Variants in SMARCAD1 observed in about 807,000 individuals in gnomAD.
SMARCAD1 encodes the protein SWI/SNF-related matrix-associated actin-dependent regulator of chromatin subfamily A containing DEAD/H box 1.
In SMARCAD1, 25 loss-of-function variants were observed where a neutral mutation model predicts 127.1. That is an observed-to-expected ratio of 0.20 (90% CI 0.14 to 0.27). SMARCAD1 has a LOEUF of 0.27. Ranked by LOEUF, SMARCAD1 falls within the 10% of genes least tolerant of loss-of-function variation. The probability of loss-of-function intolerance (pLI) is 1.00; values close to 1 mark genes in which losing one functional copy is unlikely to be tolerated. For missense variants in SMARCAD1, 807 were observed against 1,206.0 expected (o/e 0.67, Z 4.90); for synonymous variants, 400 against 396.9 (o/e 1.01, Z -0.09).
In SMARCAD1 at chr4:94,250,822, C is replaced by A. The variant is rs1403168907; in HGVS notation, c.878C>A (p.Ala293Glu). Residue 293 changes from alanine (A) to glutamate (E), a missense_variant, in exon 8 of 24, where the codon GCA (alanine) becomes GAA (glutamate). Physicochemically the swap from Ala to Glu is moderately radical, Grantham distance 107. Around this residue, in one of 8 missense-constraint regions of SMARCAD1, gnomAD observed 257 missense variants for 303.4 expected, o/e 0.85. Coordinates refer to ENST00000354268, the MANE Select transcript of SMARCAD1 (RefSeq NM_020159.5). ...TEALESLKVF[A>E]EDQDMQYVSQ... ...GCTTTAGAATCTCTAAAAGTGTTTGCAGAAGACCAAGGTAATTATTCTGGG... is the reference window on the plus strand; with the variant it reads ...GCTTTAGAATCTCTAAAAGTGTTTGAAGAAGACCAAGGTAATTATTCTGGG... 1 of 1,610,890 alleles carries A rather than the reference C, an allele frequency of 6.2e-7. No homozygotes were observed. The highest frequency in any genetic ancestry group is 8.5e-7 in the Non-Finnish European group (1 of 1,177,608).
intron 5 of SMARCAD1, among the ~76,000 whole-genome samples, 168 bp from the exon 6 acceptor site, chr4:94,240,738 T>C (rs1747447722): frequency 1.3e-5 from 2 of 152,202 alleles, no homozygotes; most frequent in African/African-American, 4.8e-5. Context: ...CTGCAAAGAA[T>C]GTTTACTTTT....
At position 94,264,784 on chromosome 4, in the gene SMARCAD1, T is replaced by C. The variant is rs1310805636; in HGVS notation, c.1359T>C (p.Asp453=). Residue 453 remains aspartate (D), a synonymous_variant, in exon 10 of 24, where the codon GAT becomes GAC. Coordinates refer to ENST00000354268, the MANE Select transcript of SMARCAD1 (RefSeq NM_020159.5). ...GTAAAACACTGATCCAAGAAAGAGA[T>C]GTAGTTATAAGGCTTATGAACAAAT... is the stretch of plus-strand genomic sequence containing the variant. ...WHCKTLIQER[D]VVIRLMNKCE... 2 of 1,612,694 alleles carry C rather than the reference T, an allele frequency of 1.2e-6. No individual in the cohort carries two copies. The highest frequency in any genetic ancestry group is 2.7e-5 in the African/African-American group (2 of 74,960).
rs148851766 is a variant in SMARCAD1, at chr4:94,274,789, G to C, written c.1724G>C (p.Cys575Ser). Residue 575 changes from cysteine (C) to serine (S), a missense_variant, in exon 13 of 24, where the codon TGT (cysteine) becomes TCT (serine). By Grantham distance (112) the Cys-to-Ser change is moderately radical (BLOSUM62 -1). Transcript: ENST00000354268. ...TGGTGCCCTACTTTGAAGGTCCTCT[G>C]TTACTATGGTAAGAATATGTCATTC... is the stretch of plus-strand genomic sequence containing the variant. ...NLWCPTLKVL[C>S]YYGSQEERKQ... The C allele has an allele frequency of 3.1e-6, 5 of 1,613,650 alleles. No individual in the cohort carries two copies. The African/African-American group carries it at 6.7e-5, about 22-fold the overall frequency.
rs750430189 is a variant in SMARCAD1 at position 94,241,021 on chromosome 4, G to A, written c.705+15G>A. The stretch of plus-strand genomic sequence containing the variant: ...GACTGGATCATGTAAGTTTACATTT[G>A]AATTACAGTATCAAAATTGGCTGCT... On this transcript the variant is annotated intron_variant, in intron 6 of 23. Coordinates refer to ENST00000354268, the MANE Select transcript of SMARCAD1 (RefSeq NM_020159.5). 1.0e-5 allele frequency: 16 copies of A among 1,573,110 alleles called. No individual in the cohort carries two copies. The Admixed American group carries it at 2.3e-4, about 23-fold the overall frequency.
intron 5 of SMARCAD1, among the ~76,000 whole-genome samples, chr4:94,240,598 A>T (rs1407040323): frequency 1.3e-5 from 2 of 152,206 alleles, no homozygotes; most frequent in Non-Finnish European, 2.9e-5. Flanking sequence ...ACACTCAGCC[A>T]CTTGGAAGAA....
At chr4:94,234,497 C>T (rs1046872345) in intron 4 of SMARCAD1, among the ~76,000 whole-genome samples, 1 of 152,056 alleles carries the variant, frequency 6.6e-6, no homozygotes, top group Admixed American at 6.5e-5. Context: ...CTGAAGCCAG[C>T]GATGCTAAAC....
chr4:94,229,942 C>T (rs903722365), intron 3 of SMARCAD1, among the ~76,000 whole-genome samples: 19 of 151,720 alleles, frequency 1.3e-4, no homozygotes, highest in African/African-American at 4.4e-4. Context: ...TTTTACTAAT[C>T]TGTTCAGTCA....
intron 4 of SMARCAD1, among the ~76,000 whole-genome samples, chr4:94,235,184 ACT>A (rs1046245761): frequency 7.2e-6 from 1 of 138,494 alleles, no homozygotes; most frequent in Non-Finnish European, 1.5e-5. Context: ...ATTAGCAGTC[ACT>A]CTCCAGTTTT....
At chr4:94,236,457 C>T (rs527259992) in intron 4 of SMARCAD1, among the ~76,000 whole-genome samples, 3 of 152,056 alleles carry the variant, frequency 2.0e-5, no homozygotes, top group South Asian at 2.1e-4. Flanking sequence ...CCATTTATCT[C>T]GAGCAGTATT....
intron 19 of SMARCAD1, 54 bp from the exon 20 acceptor site, chr4:94,280,538 C>T: frequency 6.8e-7 from 1 of 1,466,212 alleles, no homozygotes; most frequent in Non-Finnish European, 9.5e-7. Flanking sequence ...CTTTTCTCAT[C>T]ATATTATTAA....
chr4:94,262,336 T>A (rs1236063534), intron 9 of SMARCAD1, among the ~76,000 whole-genome samples: 1 of 151,542 alleles, frequency 6.6e-6, no homozygotes, highest in East Asian at 1.9e-4. Context: ...AGTCTGGGAG[T>A]CAGGCTTAAC....
At position 94,290,133 on chromosome 4, in the gene SMARCAD1, G is replaced by A. The variant is rs1560576449; in HGVS notation, c.*599G>A. On this transcript the variant is annotated 3_prime_UTR_variant, in exon 24 of 24. Coordinates refer to ENST00000354268, the MANE Select transcript of SMARCAD1 (RefSeq NM_020159.5). ...CCCCCAGGTCCTCTCAAGTACTTCT[G>A]CTGAAACAAATTTATTTGGCTAGGC... The A allele has an allele frequency of 2.2e-6, 1 of 454,484 alleles. No homozygotes were observed. The highest frequency in any genetic ancestry group is 4.4e-6 in the Non-Finnish European group (1 of 226,764). 28.2% of individuals were successfully genotyped at this position (454,484 alleles called of 1,614,324 possible).
In SMARCAD1 at chr4:94,250,946, G is replaced by A; in HGVS notation, c.889+113G>A. ...TAGCTGTTAATCAGAGGGTGGGATT[G>A]CAAAAGATGTTGAAAGTAATGATGT... On this transcript the variant is annotated intron_variant, in intron 8 of 23. Coordinates refer to ENST00000354268, the MANE Select transcript of SMARCAD1 (RefSeq NM_020159.5). 7 of 760,934 alleles carry A rather than the reference G, an allele frequency of 9.2e-6. No homozygotes were observed. In the South Asian group the frequency reaches 9.8e-5, roughly 11 times the overall value. 47.1% of individuals were successfully genotyped at this position (760,934 alleles called of 1,614,324 possible). A position where few individuals can be genotyped will look rare whatever the true frequency, so the allele number is the denominator to read the frequency against.
intron 2 of SMARCAD1, among the ~76,000 whole-genome samples, chr4:94,215,231 G>A (rs546672404): frequency 3.0e-4 from 46 of 152,172 alleles, no homozygotes; most frequent in Non-Finnish European, 3.8e-4. Flanking sequence ...TAATTGAAAA[G>A]CAATACTTAG....
intron 3 of SMARCAD1, among the ~76,000 whole-genome samples, chr4:94,227,016 A>T (rs1289127621): frequency 2.0e-5 from 3 of 152,026 alleles, no homozygotes; most frequent in Non-Finnish European, 4.4e-5. Context: ...AGGGTCAGGG[A>T]ATGGTTTCTA....
At chr4:94,282,512 T>G (rs1293915142) in intron 21 of SMARCAD1, among the ~76,000 whole-genome samples, 1 of 152,146 alleles carries the variant, frequency 6.6e-6, no homozygotes, top group Non-Finnish European at 1.5e-5. Context: ...ATCTTTCACA[T>G]TTTAAGGGTA....
chr4:94,258,757 TA>T (rs1750506407), intron 9 of SMARCAD1, among the ~76,000 whole-genome samples: 1 of 152,248 alleles, frequency 6.6e-6, no homozygotes, highest in Admixed American at 6.5e-5. Flanking sequence ...AAGTGGGGTG[TA>T]ATTATAGTGC....
chr4:94,267,686 C>T (rs1246951680), intron 10 of SMARCAD1, among the ~76,000 whole-genome samples: 1 of 151,960 alleles, frequency 6.6e-6, no homozygotes, highest in Non-Finnish European at 1.5e-5. Flanking sequence ...TTCATTATCT[C>T]AGAAAATCTT....
At chr4:94,271,843 T>G (rs1161337660) in intron 11 of SMARCAD1, among the ~76,000 whole-genome samples, 1 of 152,232 alleles carries the variant, frequency 6.6e-6, no homozygotes, top group African/African-American at 2.4e-5. Flanking sequence ...TAGATAGTCT[T>G]TATATCATAA....
Sources: gnomAD v4.1 joint callset for allele counts (sites outside exome capture counted in the v4.1 genomes callset) on GRCh38, gnomAD v4.1.1 for gene constraint, gnomAD v4.1.1 regional missense constraint, MANE v1.5 for transcripts, NCBI Gene and HGNC (gene_info 2026-07-23, HGNC 2026-07-21) for gene names.